ZMYND8: variants seen among roughly 807,000 people sequenced by gnomAD.
ZMYND8 encodes the protein MYND-type zinc finger-containing chromatin reader ZMYND8.
In ZMYND8, 37 loss-of-function variants were observed where a neutral mutation model predicts 140.8. The observed-to-expected ratio is 0.26, with a 90% confidence interval of 0.20 to 0.35. The LOEUF is 0.35. Among genes scored for constraint, ZMYND8 ranks in the 10% least tolerant of loss-of-function variants. ZMYND8 has a pLI of 1.00. For missense variants in ZMYND8, 1,068 were observed against 1,570.0 expected (o/e 0.68, Z 5.40); for synonymous variants, 592 against 597.1 (o/e 0.99, Z 0.12).
At chr20:47,224,167 G>C in intron 19 of ZMYND8, 150 bp downstream of exon 19, 1 of 1,316,760 alleles carries the variant, frequency 7.6e-7, no homozygotes, top group Non-Finnish European at 1.0e-6. Context: ...CTGCTCACCT[G>C]TGTGTAAGAC....
chr20:47,219,075 T>TTTTTTTTTTTTG, intron 21 of ZMYND8, among the ~76,000 whole-genome samples: 1 of 148,542 alleles, frequency 6.7e-6, no homozygotes, highest in Non-Finnish European at 1.5e-5. Flanking sequence ...TTTTTTTTTT[T>TTTTTTTTTTTTG]GAGAGAGAGT....
intron 3 of ZMYND8, among the ~76,000 whole-genome samples, chr20:47,304,542 G>A (rs1351158562): frequency 1.3e-5 from 2 of 152,244 alleles, no homozygotes; most frequent in East Asian, 1.9e-4. Context: ...CAGAGTATGG[G>A]TGCTCTGGCT....
intron 4 of ZMYND8, among the ~76,000 whole-genome samples, chr20:47,297,087 T>C (rs1243428100): frequency 6.6e-6 from 1 of 152,190 alleles, no homozygotes; most frequent in Non-Finnish European, 1.5e-5. Flanking sequence ...CCAGATCCCA[T>C]GACAAATGTA....
intron 12 of ZMYND8, among the ~76,000 whole-genome samples, chr20:47,256,410 G>A (rs560896885): frequency 2.0e-3 from 299 of 152,182 alleles, no homozygotes; most frequent in Admixed American, 4.9e-3. Context: ...ACGAGGTCAG[G>A]AGATTGAGAC....
intron 18 of ZMYND8, among the ~76,000 whole-genome samples, chr20:47,225,616 T>G (rs1252930794): frequency 1.1e-3 from 60 of 54,382 alleles, no homozygotes; most frequent in East Asian, 1.6e-3. Flanking sequence ...GGGAGGGGAA[T>G]GGTCCCTCAA....
intron 2 of ZMYND8, among the ~76,000 whole-genome samples, chr20:47,310,719 G>C (rs953044551): frequency 6.7e-6 from 1 of 150,014 alleles, no homozygotes; most frequent in African/African-American, 2.5e-5. Context: ...CCAGGAGGCG[G>C]AGATTTCAGT....
rs3084712 is a variant in ZMYND8, at chr20:47,232,368, A to AAAATAAATAAATAAAT, written c.2857-2578_2857-2563dup. Among the ~76,000 whole-genome samples, 764 of 149,156 alleles carry AAAATAAATAAATAAAT rather than the reference A, an allele frequency of 5.1e-3. 10 individuals carry two copies. The highest frequency in any genetic ancestry group is 0.018 in the African/African-American group (708 of 39,332). On this transcript the variant is annotated intron_variant, in intron 16 of 22. Transcript: ENST00000471951. ...CAGCTAAGAGTGAGACCTTGTCTCAAAAATAAATAAATAAATAAATAAATA... is the reference window on the plus strand; with the variant it reads ...CAGCTAAGAGTGAGACCTTGTCTCAAAAATAAATAAATAAATAAATAAATAAATAAATAAATAAATA...
At chr20:47,276,130 T>G (rs922170362) in intron 11 of ZMYND8, among the ~76,000 whole-genome samples, 184 bp downstream of exon 11, 2 of 152,168 alleles carry the variant, frequency 1.3e-5, no homozygotes, top group East Asian at 3.9e-4. Flanking sequence ...TGGGGACACT[T>G]TTCTCATTTC....
At position 47,335,694 on chromosome 20, in the gene ZMYND8, G is replaced by A. The variant is rs558723750; in HGVS notation, c.85+12162C>T. 5.3e-5 allele frequency among the ~76,000 whole-genome samples: 8 copies of A among 152,264 alleles called. No homozygotes were observed. The East Asian group carries it at 1.2e-3, about 22-fold the overall frequency. The stretch of plus-strand genomic sequence containing the variant: ...AATAATAGTCACACAAACATATAAC[G>A]TGGGTCATGCTTCAAAAATGGGGCA... On this transcript the variant is annotated intron_variant, in intron 2 of 22. Coordinates refer to ENST00000471951, the MANE Select transcript of ZMYND8 (RefSeq NM_001281775.3).
intron 3 of ZMYND8, among the ~76,000 whole-genome samples, chr20:47,306,119 G>A (rs531772131): frequency 6.6e-6 from 1 of 152,326 alleles, no homozygotes; most frequent in African/African-American, 2.4e-5. Flanking sequence ...TCGGCGCAGT[G>A]GTTCATGCCT....
At chr20:47,217,020 A>C (rs957045881) in intron 21 of ZMYND8, among the ~76,000 whole-genome samples, 3 of 152,192 alleles carry the variant, frequency 2.0e-5, no homozygotes, top group African/African-American at 7.2e-5. Context: ...AAAAGCGGAA[A>C]GCTGGGGTTC....
At chr20:47,346,498 A>G (rs1318845159) in intron 2 of ZMYND8, among the ~76,000 whole-genome samples, 1 of 151,938 alleles carries the variant, frequency 6.6e-6, no homozygotes, top group Non-Finnish European at 1.5e-5. Flanking sequence ...AGGCCTTCCC[A>G]CCCAGGGTGC....
At chr20:47,248,371 T>A (rs2073900350) in intron 13 of ZMYND8, among the ~76,000 whole-genome samples, 1 of 152,204 alleles carries the variant, frequency 6.6e-6, no homozygotes, top group African/African-American at 2.4e-5. Flanking sequence ...TGCCACCCAA[T>A]GTCCTCACCA....
intron 1 of ZMYND8, 99 bp from the exon 2 acceptor site, chr20:47,348,025 C>T (rs751171544): frequency 1.5e-5 from 17 of 1,138,510 alleles, no homozygotes; most frequent in Middle Eastern, 3.9e-4. Flanking sequence ...ACCTTAAAGA[C>T]ATTCCCTCAT....
At chr20:47,304,019 T>C (rs1200422481) in intron 3 of ZMYND8, among the ~76,000 whole-genome samples, 2 of 152,284 alleles carry the variant, frequency 1.3e-5, no homozygotes, top group Non-Finnish European at 2.9e-5. Context: ...TGTTTCCTGT[T>C]CCATAAAAAT....
At chr20:47,321,009 T>C (rs2079900902) in intron 2 of ZMYND8, among the ~76,000 whole-genome samples, 1 of 152,168 alleles carries the variant, frequency 6.6e-6, no homozygotes, top group Non-Finnish European at 1.5e-5. Context: ...GGGTAAAAGT[T>C]TGTTCTCTGA....
At chr20:47,246,584 A>G in intron 13 of ZMYND8, 67 bp from the exon 14 acceptor site, 6 of 1,506,820 alleles carry the variant, frequency 4.0e-6, no homozygotes, top group Non-Finnish European at 5.3e-6. Context: ...GAAAAATGCA[A>G]ACATTTTTCC....
intron 22 of ZMYND8, among the ~76,000 whole-genome samples, chr20:47,211,203 A>T (rs926649313): frequency 6.6e-6 from 1 of 152,216 alleles, no homozygotes; most frequent in Non-Finnish European, 1.5e-5. Flanking sequence ...CCGTGTCTGG[A>T]ACCGTGTATC....
At chr20:47,216,405 G>A (rs1387679467) in intron 21 of ZMYND8, among the ~76,000 whole-genome samples, 3 of 142,770 alleles carry the variant, frequency 2.1e-5, no homozygotes, top group East Asian at 2.1e-4. Flanking sequence ...TGAGGCAGGA[G>A]AATCACCTGA....
Sources: gnomAD v4.1 joint callset for allele counts (sites outside exome capture counted in the v4.1 genomes callset) on GRCh38, gnomAD v4.1.1 for gene constraint, MANE v1.5 for transcripts, NCBI Gene and HGNC (gene_info 2026-07-23, HGNC 2026-07-21) for gene names.